Variants in ZNF462 observed in about 807,000 individuals in gnomAD.
The protein encoded by ZNF462 is zinc finger protein 462.
ZNF462 carries 10 observed loss-of-function variants against 201.9 expected under a neutral mutation model. That is an observed-to-expected ratio of 0.05 (90% CI 0.03 to 0.08). ZNF462 has a LOEUF of 0.08. ZNF462 is among the 10% of genes least tolerant of loss of function. The probability of loss-of-function intolerance (pLI) is 1.00; values close to 1 mark genes in which losing one functional copy is unlikely to be tolerated. For synonymous variants in ZNF462, 1,227 were observed against 1,193.3 expected, an observed-to-expected ratio of 1.03 and a Z score of -0.58; for missense variants, 2,523 against 3,168.3, an observed-to-expected ratio of 0.80 and a Z score of 4.89.
At chr9:106,965,337 C>T (rs1832023627) in intron 7 of ZNF462, among the ~76,000 whole-genome samples, 1 of 148,100 alleles carries the variant, frequency 6.8e-6, no homozygotes, top group African/African-American at 2.6e-5. Flanking sequence ...AGGGCACACT[C>T]ATATCATAAT....
chr9:106,907,234 T>C (rs1214988747), intron 1 of ZNF462, among the ~76,000 whole-genome samples: 2 of 152,308 alleles, frequency 1.3e-5, no homozygotes, highest in East Asian at 1.9e-4. Context: ...ATTTTTCTGC[T>C]TTTTACTAGT....
intron 7 of ZNF462, among the ~76,000 whole-genome samples, chr9:106,948,631 G>C (rs1831211055): frequency 6.6e-6 from 1 of 151,488 alleles, no homozygotes; most frequent in Non-Finnish European, 1.5e-5. Flanking sequence ...TGTTCTATGA[G>C]TATACAAACA....
chr9:106,925,714 A>T lies in ZNF462; in HGVS notation c.1802A>T (p.Lys601Ile). ...PTQAAPLHPY[K>I]CTMCNYSTTT... Reference sequence around the variant, plus strand: ...CAAGCCGCACCTCTGCACCCATACAAATGCACCATGTGTAATTACTCCACC... The same window carrying T: ...CAAGCCGCACCTCTGCACCCATACATATGCACCATGTGTAATTACTCCACC... Residue 601 changes from lysine (K) to isoleucine (I), a missense_variant, in exon 3 of 13, where the codon AAA becomes ATA. Physicochemically the swap from Lys to Ile is moderately radical, Grantham distance 102 (BLOSUM62 -3). Coordinates refer to ENST00000277225, the MANE Select transcript of ZNF462 (RefSeq NM_021224.6). The surrounding 1 kb of genome is among the most constrained non-coding windows in gnomAD (Gnocchi z 7.9). 6.2e-7 allele frequency: 1 copy of T among 1,614,022 alleles called. No individual in the cohort carries two copies. Among genetic ancestry groups the T allele is most frequent in the Non-Finnish European group, 8.5e-7 (1 of 1,179,992 alleles).
At chr9:106,907,178 C>T (rs1829307479) in intron 1 of ZNF462, among the ~76,000 whole-genome samples, 2 of 152,042 alleles carry the variant, frequency 1.3e-5, no homozygotes, top group African/African-American at 2.4e-5. Flanking sequence ...GTTTAATGAG[C>T]TCCTGGATTT....
At chr9:106,863,824 G>C (rs935279502) in intron 1 of ZNF462, among the ~76,000 whole-genome samples, 5 of 151,930 alleles carry the variant, frequency 3.3e-5, no homozygotes, top group South Asian at 2.1e-4. Flanking sequence ...GGACAGAGGG[G>C]GGCGGAGGGC....
Position 106,923,712 on chromosome 9 carries a change from G to A in ZNF462, c.220+109G>A. On this transcript the variant is annotated intron_variant, in intron 2 of 12. Coordinates refer to ENST00000277225, the MANE Select transcript of ZNF462 (RefSeq NM_021224.6). This position sits in a 1 kb window ranked among gnomAD's most constrained non-coding sequence, Gnocchi z 5.6. ...ACGTGGCTTTTGCAGAGTTTCTTGT[G>A]CTTTGCTAGCCATTTTTGTGGTTTG... 1 of 1,098,718 alleles carries A rather than the reference G, an allele frequency of 9.1e-7. No homozygotes were observed. The highest frequency in any genetic ancestry group is 1.3e-6 in the Non-Finnish European group (1 of 763,636). The allele number at this position is 1,098,718 out of a possible 1,614,324, so 68.1% of individuals were successfully genotyped here.
chr9:106,949,309 T>A (rs538587496), intron 7 of ZNF462, among the ~76,000 whole-genome samples: 1 of 152,166 alleles, frequency 6.6e-6, no homozygotes, highest in Non-Finnish European at 1.5e-5. Flanking sequence ...GGCCATTCAA[T>A]AGATATTTCT....
intron 1 of ZNF462, among the ~76,000 whole-genome samples, chr9:106,915,037 G>A (rs559374737): frequency 6.6e-5 from 10 of 152,074 alleles, no homozygotes; most frequent in African/African-American, 1.9e-4. Flanking sequence ...AAGGTTGAAC[G>A]TCATGATCTA....
intron 1 of ZNF462, among the ~76,000 whole-genome samples, chr9:106,873,627 A>G (rs959685167): frequency 1.3e-5 from 2 of 151,742 alleles, no homozygotes; most frequent in African/African-American, 4.8e-5. Flanking sequence ...TACCCCCTCC[A>G]CCCCTTTTTG....
Position 106,932,449 on chromosome 9 carries a change from C to T in ZNF462, c.6016C>T (p.Leu2006=). 1.2e-6 allele frequency: 2 copies of T among 1,614,242 alleles called. No homozygotes were observed. Among genetic ancestry groups the T allele is most frequent in the Non-Finnish European group, 1.7e-6 (2 of 1,180,038 alleles). ...VPAVSAAVKG[L]RSHERSHLAL... ...CAGAGTCCTGATGTCCATGCAGGGG[C>T]TGCGTTCTCATGAGAGGAGCCACCT... Residue 2006 remains leucine, a synonymous_variant, in exon 5 of 13, where the codon CTG becomes TTG. Transcript: ENST00000277225. The surrounding 1 kb of genome is among the most constrained non-coding windows in gnomAD (Gnocchi z 6.8).
chr9:106,894,303 A>G (rs930021802), intron 1 of ZNF462, among the ~76,000 whole-genome samples: 2 of 152,222 alleles, frequency 1.3e-5, no homozygotes, highest in African/African-American at 4.8e-5. Context: ...TGCATTCTGT[A>G]AATGATCAGT....
In ZNF462 at chr9:106,913,929, C is replaced by A. The variant is rs1829658164; in HGVS notation, c.-30-9425C>A. Among the ~76,000 whole-genome samples, 1 of 150,398 alleles carries A rather than the reference C, an allele frequency of 6.6e-6. No individual in the cohort carries two copies. Among genetic ancestry groups the A allele is most frequent in the Non-Finnish European group, 1.5e-5 (1 of 67,394 alleles). ...CTTGACCATTTTTAATGACATTTGC[C>A]CCTTACTCACAAAACTCACAGGATT... On this transcript the variant is annotated intron_variant, in intron 1 of 12. Transcript: ENST00000277225. The surrounding 1 kb of genome is among the most constrained non-coding windows in gnomAD (Gnocchi z 4.1).
chr9:106,953,935 C>G (rs1461735374), intron 7 of ZNF462, among the ~76,000 whole-genome samples: 2 of 152,140 alleles, frequency 1.3e-5, no homozygotes, highest in East Asian at 3.8e-4. Context: ...TTGTTGTCTG[C>G]TTAGTCCTGA....
intron 8 of ZNF462, among the ~76,000 whole-genome samples, chr9:106,973,691 G>T (rs1826768387): frequency 6.6e-6 from 1 of 151,570 alleles, no homozygotes. Flanking sequence ...CAATCATGAT[G>T]ATTGACTTCC....
At chr9:106,986,616 T>C (rs1827850886) in intron 10 of ZNF462, among the ~76,000 whole-genome samples, 1 of 152,224 alleles carries the variant, frequency 6.6e-6, no homozygotes, top group Non-Finnish European at 1.5e-5. Context: ...ACGGTCTTTT[T>C]TAAAAATTAT....
chr9:106,863,248 A>G lies in ZNF462; in HGVS notation c.-138A>G. On this transcript the variant is annotated 5_prime_UTR_variant, in exon 1 of 13. Transcript: ENST00000277225. Reference sequence around the variant, plus strand: ...GCAGAAGCACATGAGACTCCCAAACAACTTCCACAACAATAACCCGAGCAG... The same window carrying G: ...GCAGAAGCACATGAGACTCCCAAACGACTTCCACAACAATAACCCGAGCAG... The G allele has an allele frequency of 2.5e-6, 1 of 399,234 alleles. No homozygotes were observed. The highest frequency in any genetic ancestry group is 3.6e-5 in the East Asian group (1 of 28,040). 24.7% of individuals were successfully genotyped at this position (399,234 alleles called of 1,614,324 possible).
At chr9:106,866,585 T>C (rs1827341927) in intron 1 of ZNF462, among the ~76,000 whole-genome samples, 1 of 152,204 alleles carries the variant, frequency 6.6e-6, no homozygotes, top group South Asian at 2.1e-4. Context: ...GTTAGATCTC[T>C]GCTCCTTTAT....
At chr9:106,955,054 A>T (rs1831515556) in intron 7 of ZNF462, among the ~76,000 whole-genome samples, 1 of 152,120 alleles carries the variant, frequency 6.6e-6, no homozygotes, top group Non-Finnish European at 1.5e-5. Flanking sequence ...CCACGCTACT[A>T]ACAACAGATA....
In ZNF462 at chr9:106,978,971, A is replaced by G; in HGVS notation, c.6832+4698A>G. 3.6e-6 allele frequency: 1 copy of G among 275,448 alleles called. No individual in the cohort carries two copies. The highest frequency in any genetic ancestry group is 3.8e-5 in the South Asian group (1 of 26,146). 17.1% of individuals were successfully genotyped at this position (275,448 alleles called of 1,614,324 possible). A position where few individuals can be genotyped will look rare whatever the true frequency, so the allele number is the denominator to read the frequency against. ...CTTCCAAGTTAATGTGTGTGAAGGC[A>G]ACAGTAGTGCAGATCTCCCTGTGGA... is the stretch of plus-strand genomic sequence containing the variant. On this transcript the variant is annotated intron_variant, in intron 9 of 12. Transcript: ENST00000277225. This position sits in a 1 kb window ranked among gnomAD's most constrained non-coding sequence, Gnocchi z 4.1.
Sources: allele counts gnomAD v4.1 joint callset (sites outside exome capture counted in the v4.1 genomes callset), GRCh38; gene constraint gnomAD v4.1.1; non-coding constraint Gnocchi (gnomAD v3.1); transcripts MANE v1.5; gene names NCBI Gene and HGNC (gene_info 2026-07-23, HGNC 2026-07-21).